The following CCDC141 variants were observed in gnomAD, a reference collection of about 807,000 sequenced individuals.
The protein encoded by CCDC141 is coiled-coil domain-containing protein 141.
Under a neutral mutation model 181.0 loss-of-function variants are expected in CCDC141, and 168 were observed. That is an observed-to-expected ratio of 0.93 (90% confidence interval 0.82 to 1.05). CCDC141 has a LOEUF of 1.05. Among genes scored for constraint, CCDC141 ranks in the 50% least tolerant of loss-of-function variants. CCDC141 has a pLI of 0.00. For synonymous variants in CCDC141, 666 were observed against 642.3 expected (o/e 1.04, Z -0.56); for missense variants, 1,902 against 1,788.5 (o/e 1.06, Z -1.14).
chr2:178,954,076 G>A (rs906558952), intron 5 of CCDC141, among the ~76,000 whole-genome samples: 1 of 152,158 alleles, frequency 6.6e-6, no homozygotes, highest in Non-Finnish European at 1.5e-5. Context: ...GATCTGGGTG[G>A]TAAAAAGAGA....
At chr2:178,937,240 C>T (rs1689327564) in intron 6 of CCDC141, among the ~76,000 whole-genome samples, 1 of 152,034 alleles carries the variant, frequency 6.6e-6, no homozygotes. Context: ...TCATAGATGG[C>T]TCTTATTATT....
chr2:178,874,412 GGCATT>G (rs1686265120), intron 12 of CCDC141: 1 of 152,066 alleles, frequency 6.6e-6, no homozygotes, highest in East Asian at 1.9e-4. Context: ...GATCTAAGTG[GGCATT>G]GAATATTATG....
At chr2:178,940,192 G>C (rs1472162433) in intron 6 of CCDC141, among the ~76,000 whole-genome samples, 1 of 152,050 alleles carries the variant, frequency 6.6e-6, no homozygotes, top group East Asian at 1.9e-4. Context: ...GAAAGAATGA[G>C]TGCTCTATAA....
At chr2:178,939,442 AC>A (rs1481373275) in intron 6 of CCDC141, among the ~76,000 whole-genome samples, 1 of 152,106 alleles carries the variant, frequency 6.6e-6, no homozygotes, top group Non-Finnish European at 1.5e-5. Flanking sequence ...CCAGGGGAGA[AC>A]TTTTTAGGTG....
At chr2:179,007,896 C>A (rs2042159622) in intron 2 of CCDC141, among the ~76,000 whole-genome samples, 1 of 152,190 alleles carries the variant, frequency 6.6e-6, no homozygotes, top group Non-Finnish European at 1.5e-5. Context: ...GTTGTCATCA[C>A]TTAGATTATC....
At chr2:179,015,065 GAGATATATATATATAT>G (rs1343332833) in intron 2 of CCDC141, among the ~76,000 whole-genome samples, 3 of 10,978 alleles carry the variant, frequency 2.7e-4, no homozygotes, top group Middle Eastern at 0.056. Context: ...GAGAGAGACA[GAGATATATATATATAT>G]ATATATATAT....
chr2:178,874,363 C>T (rs555721131), intron 12 of CCDC141: 1 of 152,214 alleles, frequency 6.6e-6, no homozygotes, highest in East Asian at 1.9e-4. Flanking sequence ...GATAAAAGAA[C>T]ACCAAAGCAC....
At chr2:179,034,799 T>C (rs1406677611) in intron 2 of CCDC141, among the ~76,000 whole-genome samples, 1 of 152,226 alleles carries the variant, frequency 6.6e-6, no homozygotes, top group Non-Finnish European at 1.5e-5. Context: ...TCTCAGGTAA[T>C]TCTGATGTTG....
At chr2:178,989,597 AAAAAAAAAAAAT>A (rs1458639015) in intron 2 of CCDC141, among the ~76,000 whole-genome samples, 1,962 of 41,460 alleles carry the variant, frequency 0.047, 70 homozygotes, top group African/African-American at 0.11. Flanking sequence ...CTGCCTCAAA[AAAAAAAAAAAAT>A]AAATAAATAA....
At chr2:178,905,240 G>T (rs1163945789) in intron 8 of CCDC141, 89 bp downstream of exon 8, 3 of 1,234,678 alleles carry the variant, frequency 2.4e-6, no homozygotes, top group Non-Finnish European at 3.3e-6. Context: ...ATCAGAACCA[G>T]AAAAAGACAA....
the CCDC141 span, among the ~76,000 whole-genome samples, chr2:178,820,200 TG>T: frequency 6.6e-6 from 1 of 152,210 alleles, no homozygotes; most frequent in Non-Finnish European, 1.5e-5. Flanking sequence ...TCTGTGGTTC[TG>T]AAAGCTCAAG....
At chr2:178,959,103 T>C (rs766719073) in intron 5 of CCDC141, among the ~76,000 whole-genome samples, 30 of 142,814 alleles carry the variant, frequency 2.1e-4, no homozygotes, top group Non-Finnish European at 4.2e-4. Context: ...TGAGAACACT[T>C]GGACACAGGA....
chr2:178,965,909 G>T (rs1029202503), intron 4 of CCDC141, among the ~76,000 whole-genome samples: 1 of 152,128 alleles, frequency 6.6e-6, no homozygotes, highest in East Asian at 1.9e-4. Context: ...GTCTGAGATC[G>T]ACCCGGTACG....
At chr2:178,846,030 T>C (rs1335744357) in intron 21 of CCDC141, among the ~76,000 whole-genome samples, 1 of 152,104 alleles carries the variant, frequency 6.6e-6, no homozygotes, top group Admixed American at 6.6e-5. Flanking sequence ...GCAGGAGCAT[T>C]CTCTAGAGAA....
chr2:178,856,537 C>CTCT, intron 17 of CCDC141, 140 bp from the exon 18 acceptor site: 11 of 481,724 alleles, frequency 2.3e-5, no homozygotes, highest in South Asian at 4.2e-5. Context: ...TCCCTCCCTC[C>CTCT]CTCTCTCTTT....
intron 8 of CCDC141, among the ~76,000 whole-genome samples, chr2:178,894,663 G>T (rs1687322036): frequency 6.6e-6 from 1 of 151,750 alleles, no homozygotes; most frequent in Admixed American, 6.6e-5. Context: ...TGAAAACAAA[G>T]GGAAAAAGGA....
rs1213636070 is a variant in CCDC141 at position 178,837,559 on chromosome 2, T to C, written c.3660A>G (p.Pro1220=). 6.2e-7 allele frequency: 1 copy of C among 1,613,850 alleles called. No individual in the cohort carries two copies. ...GTGCAAGAGGGGACTCAGGGCTTCC[T>C]GGGAGAGGAGGCAAGGAGATGTCAT... The part of the protein sequence containing the change: ...SPDDISLPPL[P]GSPESPLAPS... The change falls in exon 23 of 24, where the codon CCA becomes CCG. Residue 1220 remains proline (P), a synonymous_variant. Coordinates refer to ENST00000443758, the MANE Select transcript of CCDC141 (RefSeq NM_173648.4).
chr2:178,907,432 A>T (rs79918039), intron 7 of CCDC141, among the ~76,000 whole-genome samples: 4 of 152,236 alleles, frequency 2.6e-5, no homozygotes, highest in Admixed American at 2.0e-4. Flanking sequence ...AGACTTAAGA[A>T]GGAAGGGCTA....
At chr2:178,890,824 C>A (rs1288114818) in intron 8 of CCDC141, among the ~76,000 whole-genome samples, 2 of 152,172 alleles carry the variant, frequency 1.3e-5, no homozygotes, top group Non-Finnish European at 2.9e-5. Flanking sequence ...TAGATGCACA[C>A]TTCTTATAAA....
Sources: gnomAD v4.1 joint callset for allele counts (sites outside exome capture counted in the v4.1 genomes callset) on GRCh38, gnomAD v4.1.1 for gene constraint, MANE v1.5 for transcripts, NCBI Gene and HGNC (gene_info 2026-07-23, HGNC 2026-07-21) for gene names.